Variants in SLC24A3 observed in about 807,000 individuals in gnomAD.
SLC24A3 encodes sodium/potassium/calcium exchanger 3.
In SLC24A3, 28 loss-of-function variants were observed where a neutral mutation model predicts 75.8. That is an observed-to-expected ratio of 0.37 (90% confidence interval 0.27 to 0.51). SLC24A3 has a LOEUF of 0.51. SLC24A3 is among the 20% of genes least tolerant of loss of function. The probability of loss-of-function intolerance (pLI) is 0.94; values close to 1 mark genes in which losing one functional copy is unlikely to be tolerated. For missense variants in SLC24A3, 663 were observed against 847.8 expected, an observed-to-expected ratio of 0.78 and a Z score of 2.71; for synonymous variants, 372 against 334.1, an observed-to-expected ratio of 1.11 and a Z score of -1.24.
intron 6 of SLC24A3, among the ~76,000 whole-genome samples, chr20:19,592,352 G>T (rs923070299): frequency 6.6e-6 from 1 of 152,034 alleles, no homozygotes; most frequent in Non-Finnish European, 1.5e-5. Context: ...CATCACACTC[G>T]ACTAAGCACT....
chr20:19,392,744 T>C (rs973827900), intron 2 of SLC24A3, among the ~76,000 whole-genome samples: 1 of 152,234 alleles, frequency 6.6e-6, no homozygotes, highest in Non-Finnish European at 1.5e-5. Context: ...ACCATTGACC[T>C]GTAACATACA....
chr20:19,279,300 C>T (rs936035189), intron 1 of SLC24A3, among the ~76,000 whole-genome samples: 14 of 152,198 alleles, frequency 9.2e-5, no homozygotes, highest in African/African-American at 2.7e-4. Flanking sequence ...ATCCGTTTTC[C>T]GCCCGCGGCA....
At chr20:19,273,900 G>A (rs1208755785) in intron 1 of SLC24A3, among the ~76,000 whole-genome samples, 2 of 151,148 alleles carry the variant, frequency 1.3e-5, no homozygotes, top group African/African-American at 4.9e-5. Context: ...CCTCTTAACT[G>A]GTGTAAATTT....
chr20:19,509,757 C>A (rs979876318), intron 2 of SLC24A3, among the ~76,000 whole-genome samples: 1 of 152,198 alleles, frequency 6.6e-6, no homozygotes, highest in Non-Finnish European at 1.5e-5. Flanking sequence ...CTGCTGTGTG[C>A]ACTGCAGTGT....
chr20:19,659,346 G>C (rs1012069555), intron 7 of SLC24A3, among the ~76,000 whole-genome samples: 1 of 152,200 alleles, frequency 6.6e-6, no homozygotes, highest in Non-Finnish European at 1.5e-5. Context: ...ATATGAGAGA[G>C]TTCAGCTGAT....
intron 3 of SLC24A3, among the ~76,000 whole-genome samples, chr20:19,547,713 C>G (rs1053558498): frequency 2.0e-5 from 3 of 152,258 alleles, no homozygotes; most frequent in African/African-American, 7.2e-5. Context: ...TCCCACCCTC[C>G]CCTTGCCCTG....
intron 2 of SLC24A3, among the ~76,000 whole-genome samples, chr20:19,283,463 G>A (rs575879897): frequency 1.1e-4 from 16 of 152,168 alleles, no homozygotes; most frequent in Non-Finnish European, 1.8e-4. Context: ...TCAAATACTC[G>A]ATAGTTGGAT....
chr20:19,388,530 TGAAA>T (rs200247629), intron 2 of SLC24A3, among the ~76,000 whole-genome samples: 1,584 of 152,276 alleles, frequency 0.01, 12 homozygotes, highest in Middle Eastern at 0.024. Flanking sequence ...GCTAACACGG[TGAAA>T]CCCCATCTCT....
At chr20:19,713,741 C>A (rs1021184868) in intron 15 of SLC24A3, among the ~76,000 whole-genome samples, 3 of 152,146 alleles carry the variant, frequency 2.0e-5, no homozygotes, top group Admixed American at 6.5e-5. Flanking sequence ...CACACCAGGC[C>A]CTGTTCAACA....
intron 2 of SLC24A3, among the ~76,000 whole-genome samples, chr20:19,490,974 C>T (rs529108766): frequency 1.9e-4 from 29 of 152,318 alleles, no homozygotes; most frequent in Admixed American, 3.9e-4. Context: ...TTCTTCTCAG[C>T]GAGCAGAAAG....
At chr20:19,288,289 C>T (rs4813351) in intron 2 of SLC24A3, among the ~76,000 whole-genome samples, 60,123 of 152,024 alleles carry the variant, frequency 0.4, 12,318 homozygotes, top group Middle Eastern at 0.5. Flanking sequence ...AAATAGGGAG[C>T]AGAGGATTTT....
At chr20:19,481,180 G>A (rs924276387) in intron 2 of SLC24A3, among the ~76,000 whole-genome samples, 3 of 152,100 alleles carry the variant, frequency 2.0e-5, no homozygotes, top group African/African-American at 7.2e-5. Context: ...GATAGTATAG[G>A]CAACACTCTC....
chr20:19,335,246 A>G (rs1045613350), intron 2 of SLC24A3, among the ~76,000 whole-genome samples: 1 of 152,238 alleles, frequency 6.6e-6, no homozygotes, highest in African/African-American at 2.4e-5. Context: ...AGAGGGCTAG[A>G]ATGAAATGAG....
chr20:19,297,028 A>G (rs73284618), intron 2 of SLC24A3, among the ~76,000 whole-genome samples: 1 of 152,190 alleles, frequency 6.6e-6, no homozygotes, highest in African/African-American at 2.4e-5. Context: ...ATTTGGAAAC[A>G]TATAGAAAAC....
At chr20:19,640,157 G>A (rs986283456) in intron 6 of SLC24A3, among the ~76,000 whole-genome samples, 6 of 152,260 alleles carry the variant, frequency 3.9e-5, no homozygotes, top group Non-Finnish European at 8.8e-5. Flanking sequence ...CGCGGAGAGC[G>A]AGCGAGGGCT....
In SLC24A3 at chr20:19,677,672, ATTCT is replaced by A. The variant is rs1568694247; in HGVS notation, c.767+4021_767+4024del. On this transcript the variant is annotated intron_variant, in intron 9 of 16. Coordinates refer to ENST00000328041, the MANE Select transcript of SLC24A3 (RefSeq NM_020689.4). ...AGACACAGCTGGATACTCTTTTAGGATTCTTTTTTTTTTCTTTTTTTTTTTTTTT... is the reference window on the plus strand; with the variant it reads ...AGACACAGCTGGATACTCTTTTAGGATTTTTTTTTCTTTTTTTTTTTTTTT... Among the ~76,000 whole-genome samples the A allele has an allele frequency of 9.6e-5, 12 of 124,462 alleles. No individual in the cohort carries two copies. The South Asian group carries it at 3.2e-3, about 33-fold the overall frequency. The allele number at this position is 124,462 out of a possible 152,430, so 81.7% of individuals were successfully genotyped here. A position where few individuals can be genotyped will look rare whatever the true frequency, so the allele number is the denominator to read the frequency against.
chr20:19,693,167 G>A (rs1255287526), intron 12 of SLC24A3, 92 bp from the exon 13 acceptor site: 25 of 1,362,234 alleles, frequency 1.8e-5, no homozygotes, highest in African/African-American at 2.9e-5. Context: ...GGGGAAAGCA[G>A]TACAGACACT....
intron 2 of SLC24A3, among the ~76,000 whole-genome samples, chr20:19,439,555 T>C (rs947341697): frequency 1.1e-4 from 17 of 152,316 alleles, no homozygotes; most frequent in Admixed American, 7.8e-4. Context: ...TTAGCACATG[T>C]GAGTAACTTC....
chr20:19,502,866 A>AG (rs1160364435), intron 2 of SLC24A3, among the ~76,000 whole-genome samples: 12 of 114,846 alleles, frequency 1.0e-4, no homozygotes, highest in African/African-American at 4.4e-4. Flanking sequence ...CCCTGTCTCT[A>AG]CCAAAAAAAA....
Sources: allele counts gnomAD v4.1 joint callset (sites outside exome capture counted in the v4.1 genomes callset), GRCh38; gene constraint gnomAD v4.1.1; transcripts MANE v1.5; gene names NCBI Gene and HGNC (gene_info 2026-07-23, HGNC 2026-07-21).